Variants in MCU observed in about 807,000 individuals in gnomAD.
The protein encoded by MCU is mitochondrial calcium uniporter, also known as calcium uniporter protein, mitochondrial.
In MCU, 12 loss-of-function variants were observed where a neutral mutation model predicts 45.2. That is an observed-to-expected ratio of 0.27 (90% CI 0.17 to 0.43). The LOEUF is 0.43. MCU is among the 20% of genes least tolerant of loss of function. The pLI is 1.00. For synonymous variants in MCU, 160 were observed against 165.1 expected, an observed-to-expected ratio of 0.97 and a Z score of 0.24; for missense variants, 324 against 436.7, an observed-to-expected ratio of 0.74 and a Z score of 2.30.
chr10:72,771,354 C>T (rs887368269), intron 1 of MCU, among the ~76,000 whole-genome samples: 6 of 152,158 alleles, frequency 3.9e-5, no homozygotes, highest in African/African-American at 1.2e-4. Context: ...ATCCATGTCC[C>T]TGTAAAGGAC....
intron 1 of MCU, among the ~76,000 whole-genome samples, chr10:72,799,501 TA>T (rs1204721080): frequency 6.6e-6 from 1 of 151,928 alleles, no homozygotes; most frequent in Non-Finnish European, 1.5e-5. Flanking sequence ...TTTTTTTTTT[TA>T]AACAAGATGC....
At chr10:72,864,016 C>T (rs1190072025) in intron 4 of MCU, among the ~76,000 whole-genome samples, 1 of 152,074 alleles carries the variant, frequency 6.6e-6, no homozygotes, top group Non-Finnish European at 1.5e-5. Context: ...TGCATGATGC[C>T]ATTTGCAGTT....
chr10:72,701,593 C>T (rs1278148673), intron 1 of MCU, among the ~76,000 whole-genome samples: 1 of 152,086 alleles, frequency 6.6e-6, no homozygotes, highest in African/African-American at 2.4e-5. Context: ...GTGGTGCGAT[C>T]TCGGCTCACT....
intron 2 of MCU, among the ~76,000 whole-genome samples, chr10:72,854,198 C>T (rs951424459): frequency 8.6e-5 from 13 of 151,890 alleles, no homozygotes; most frequent in Non-Finnish European, 1.6e-4. Flanking sequence ...GAGGCTGAGG[C>T]GGGAGTATCC....
rs141730343 is a variant in MCU at position 72,834,425 on chromosome 10, G to C, written c.217G>C (p.Asp73His). ...TTATTGCAGCACTGTTGTGCCCTCT[G>C]ATGGTGAGTTTCAGCAAATCCACCT... ...AVYCSTVVPSDDVTVVYQNGL... is the reference protein window; with the variant it reads ...AVYCSTVVPSHDVTVVYQNGL... Residue 73 changes from aspartate (D) to histidine (H), a missense_variant, in exon 2 of 8, where the codon GAT becomes CAT. Transcript: ENST00000373053. 8.8e-5 allele frequency: 142 copies of C among 1,612,620 alleles called. No individual in the cohort carries two copies. Among genetic ancestry groups the C allele is most frequent in the Non-Finnish European group, 1.1e-4 (128 of 1,179,044 alleles).
rs145768339 is a variant in MCU, at chr10:72,777,060, A to G, written c.151-57299A>G. On this transcript the variant is annotated intron_variant, in intron 1 of 7. Transcript: ENST00000373053. ...GATGAAAGAAACTGAAGAAGATGCAAAAAAGCAGAAAGATATTCCATGCTA... is the reference window on the plus strand; with the variant it reads ...GATGAAAGAAACTGAAGAAGATGCAGAAAAGCAGAAAGATATTCCATGCTA... Among the ~76,000 whole-genome samples the G allele has an allele frequency of 4.5e-3, 686 of 152,326 alleles. 5 individuals are homozygous for G. The highest frequency in any genetic ancestry group is 0.016 in the African/African-American group (653 of 41,568).
rs376477049 is a variant in MCU, at chr10:72,862,717, G to A, written c.496+2190G>A. ...CAGTACTGGTTCGCACCCCAGGGGT[G>A]GGGGACCACTGCTGTAGGACATTCC... On this transcript the variant is annotated intron_variant, in intron 4 of 7. Coordinates refer to ENST00000373053, the MANE Select transcript of MCU (RefSeq NM_138357.3). 4.3e-4 allele frequency among the ~76,000 whole-genome samples: 65 copies of A among 152,158 alleles called. 1 individual carries two copies. In the East Asian group the frequency reaches 7.6e-3, roughly 18 times the overall value.
At chr10:72,705,148 G>C (rs2132653603) in intron 1 of MCU, among the ~76,000 whole-genome samples, 1 of 152,104 alleles carries the variant, frequency 6.6e-6, no homozygotes, top group South Asian at 2.1e-4. Flanking sequence ...CAGATGTGAG[G>C]TACTGTGCCT....
intron 1 of MCU, among the ~76,000 whole-genome samples, chr10:72,703,179 A>G (rs988977813): frequency 1.3e-5 from 2 of 152,166 alleles, no homozygotes; most frequent in Non-Finnish European, 2.9e-5. Context: ...AGTTATACCA[A>G]TGATAATATT....
chr10:72,787,978 A>T (rs562956093), intron 1 of MCU, among the ~76,000 whole-genome samples: 2 of 152,208 alleles, frequency 1.3e-5, no homozygotes, highest in Middle Eastern at 3.4e-3. Flanking sequence ...CGGCCTCCCA[A>T]AGTGCTGGGA....
intron 1 of MCU, among the ~76,000 whole-genome samples, chr10:72,695,712 C>CTT (rs201032987): frequency 5.8e-5 from 8 of 138,544 alleles, no homozygotes; most frequent in Admixed American, 7.3e-5. Flanking sequence ...AATTCCTTTA[C>CTT]TTTTTTTTTT....
chr10:72,724,334 G>C (rs1279079052), intron 1 of MCU, among the ~76,000 whole-genome samples: 1 of 152,126 alleles, frequency 6.6e-6, no homozygotes, highest in African/African-American at 2.4e-5. Context: ...TGTTTTTCTC[G>C]TATAAGTGAA....
At chr10:72,700,320 G>A (rs1158908081) in intron 1 of MCU, among the ~76,000 whole-genome samples, 1 of 151,438 alleles carries the variant, frequency 6.6e-6, no homozygotes, top group East Asian at 2.0e-4. Context: ...TTCAGCCTTG[G>A]AAAGTGTTGG....
chr10:72,880,480 G>GT (rs1029588407), intron 6 of MCU, among the ~76,000 whole-genome samples: 22 of 140,898 alleles, frequency 1.6e-4, no homozygotes, highest in Non-Finnish European at 3.1e-4. Context: ...AGGCAAAGCG[G>GT]GGGGGGGGAA....
In MCU at chr10:72,801,733, G is replaced by T. The variant is rs183844259; in HGVS notation, c.151-32626G>T. On this transcript the variant is annotated intron_variant, in intron 1 of 7. Transcript: ENST00000373053. Reference sequence around the variant, plus strand: ...GTCACCCAGGTTGGAGTGCAGTGGTGTGATCTTGGCTCACTGCAACCTCTA... The same window carrying T: ...GTCACCCAGGTTGGAGTGCAGTGGTTTGATCTTGGCTCACTGCAACCTCTA... Among the ~76,000 whole-genome samples the T allele has an allele frequency of 3.4e-5, 5 of 147,844 alleles. No individual in the cohort carries two copies. In the Admixed American group the frequency reaches 3.4e-4, roughly 10 times the overall value.
chr10:72,870,149 TTA>T (rs1458124838), intron 5 of MCU, among the ~76,000 whole-genome samples: 13 of 152,190 alleles, frequency 8.5e-5, no homozygotes, highest in Admixed American at 8.5e-4. Context: ...AGAAATCAGA[TTA>T]TAAGGAGTAA....
chr10:72,724,821 A>G (rs1843074485), intron 1 of MCU, among the ~76,000 whole-genome samples: 2 of 152,314 alleles, frequency 1.3e-5, no homozygotes, highest in Non-Finnish European at 2.9e-5. Context: ...ATTCTTCGTT[A>G]CTAGATTTGT....
chr10:72,871,722 A>T (rs1845545874), intron 6 of MCU, 142 bp downstream of exon 6: 1 of 673,468 alleles, frequency 1.5e-6, no homozygotes, highest in Non-Finnish European at 2.6e-6. Flanking sequence ...CCACTTGTGT[A>T]TTAGGCAATA....
chr10:72,776,241 C>T (rs529801339), intron 1 of MCU, among the ~76,000 whole-genome samples: 1 of 151,692 alleles, frequency 6.6e-6, no homozygotes, highest in East Asian at 1.9e-4. Context: ...TACCCTGATA[C>T]CAAAACAGAT....
Sources: allele counts gnomAD v4.1 joint callset (sites outside exome capture counted in the v4.1 genomes callset), GRCh38; gene constraint gnomAD v4.1.1; transcripts MANE v1.5; gene names NCBI Gene and HGNC (gene_info 2026-07-23, HGNC 2026-07-21).